The following ZNF804B variants were observed in gnomAD, a reference collection of about 807,000 sequenced individuals.
ZNF804B encodes zinc finger 804B.
ZNF804B carries 80 observed loss-of-function variants against 101.4 expected under a neutral mutation model. That is an observed-to-expected ratio of 0.79 (90% CI 0.66 to 0.95). The LOEUF (loss-of-function observed/expected upper bound fraction) is 0.95, where lower values mean the gene tolerates loss of function less well. Ranked by LOEUF, ZNF804B falls within the 40% of genes least tolerant of loss-of-function variation. The probability of loss-of-function intolerance (pLI) is 0.00; values close to 1 mark genes in which losing one functional copy is unlikely to be tolerated. For missense variants in ZNF804B, 1,673 were observed against 1,561.9 expected, an observed-to-expected ratio of 1.07 and a Z score of -1.20; for synonymous variants, 622 against 558.8, an observed-to-expected ratio of 1.11 and a Z score of -1.59.
intron 1 of ZNF804B, among the ~76,000 whole-genome samples, chr7:88,848,534 G>C (rs969358594): frequency 1.3e-5 from 2 of 151,730 alleles, no homozygotes; most frequent in Non-Finnish European, 2.9e-5. Flanking sequence ...AAACCTTTTT[G>C]CAGATGTAAA....
rs35905388 is a variant in ZNF804B at position 89,324,607 on chromosome 7, CTT to C, written c.250-2720_250-2719del. ...TTGTCCAGTCTACCTTACCTTCTTA[CTT>C]TTTTTTTTTTTTTTTTGCATTTTCT... On this transcript the variant is annotated intron_variant, in intron 2 of 3. Transcript: ENST00000333190. Among the ~76,000 whole-genome samples the C allele has an allele frequency of 1.9e-3, 204 of 109,550 alleles. 1 individual carries two copies. The highest frequency in any genetic ancestry group is 5.4e-3 in the Middle Eastern group (1 of 186). The allele number at this position is 109,550 out of a possible 152,430, so 71.9% of individuals were successfully genotyped here. A position where few individuals can be genotyped will look rare whatever the true frequency, so the allele number is the denominator to read the frequency against.
intron 1 of ZNF804B, among the ~76,000 whole-genome samples, chr7:88,906,324 C>G (rs935244427): frequency 2.0e-5 from 3 of 151,948 alleles, no homozygotes; most frequent in African/African-American, 4.8e-5. Context: ...TCTTCTAGTT[C>G]CTTTAGGTGC....
At chr7:88,783,842 C>A (rs1281934434) in intron 1 of ZNF804B, among the ~76,000 whole-genome samples, 1 of 152,018 alleles carries the variant, frequency 6.6e-6, no homozygotes, top group Non-Finnish European at 1.5e-5. Flanking sequence ...ATTTCCAAGG[C>A]CCCTTGGGTC....
At chr7:89,136,960 T>A (rs1030023974) in intron 1 of ZNF804B, among the ~76,000 whole-genome samples, 1 of 151,754 alleles carries the variant, frequency 6.6e-6, no homozygotes, top group Admixed American at 6.6e-5. Context: ...AAAGCTCTCT[T>A]TTTTTTTGCC....
intron 1 of ZNF804B, among the ~76,000 whole-genome samples, chr7:89,197,099 AG>A (rs1788565997): frequency 6.6e-6 from 1 of 152,072 alleles, no homozygotes; most frequent in South Asian, 2.1e-4. Context: ...TATTTGACCC[AG>A]CAATCTTAAT....
At chr7:88,961,996 G>A (rs1584040988) in intron 1 of ZNF804B, among the ~76,000 whole-genome samples, 1 of 151,164 alleles carries the variant, frequency 6.6e-6, no homozygotes, top group East Asian at 2.0e-4. Flanking sequence ...AATACACAAG[G>A]TTTTAGTGTA....
chr7:88,946,041 A>G (rs990468943), intron 1 of ZNF804B, among the ~76,000 whole-genome samples: 1 of 152,044 alleles, frequency 6.6e-6, no homozygotes, highest in Non-Finnish European at 1.5e-5. Flanking sequence ...GCAAACAGAG[A>G]CTATTTGACT....
chr7:89,108,234 T>TC (rs940334850), intron 1 of ZNF804B, among the ~76,000 whole-genome samples: 4 of 99,388 alleles, frequency 4.0e-5, no homozygotes, highest in Non-Finnish European at 9.0e-5. Flanking sequence ...TTTTTTTTTT[T>TC]TCTTTTCTTC....
intron 1 of ZNF804B, among the ~76,000 whole-genome samples, chr7:89,107,913 C>T (rs978908157): frequency 3.3e-5 from 5 of 151,984 alleles, no homozygotes; most frequent in African/African-American, 4.8e-5. Flanking sequence ...GGGTCCTTCC[C>T]GGAAGGTCGC....
chr7:89,338,393 C>A lies in ZNF804B; in HGVS notation c.*1361C>A, dbSNP rs1424660287. Among the ~76,000 whole-genome samples, 1 of 151,938 alleles carries A rather than the reference C, an allele frequency of 6.6e-6. No homozygotes were observed. Among genetic ancestry groups the A allele is most frequent in the Non-Finnish European group, 1.5e-5 (1 of 67,936 alleles). ...GCATTATCTTCTTTAATTTTCACAA[C>A]TGTATTTTGAAATCAGTATTATCAT... On this transcript the variant is annotated 3_prime_UTR_variant, in exon 4 of 4. Transcript: ENST00000333190.
At chr7:89,055,557 G>A (rs186021437) in intron 1 of ZNF804B, among the ~76,000 whole-genome samples, 1 of 152,104 alleles carries the variant, frequency 6.6e-6, no homozygotes, top group Non-Finnish European at 1.5e-5. Flanking sequence ...CAACAAGGTT[G>A]GATCTTACCA....
intron 1 of ZNF804B, among the ~76,000 whole-genome samples, chr7:88,951,775 C>T (rs184136189): frequency 2.0e-5 from 3 of 151,840 alleles, no homozygotes; most frequent in Admixed American, 6.6e-5. Context: ...CAAAACAAAA[C>T]CCATTAATAT....
chr7:89,124,673 G>T (rs756812128), intron 1 of ZNF804B, among the ~76,000 whole-genome samples: 1 of 152,168 alleles, frequency 6.6e-6, no homozygotes, highest in Non-Finnish European at 1.5e-5. Context: ...AAAAATAGGT[G>T]ATTATGATTT....
chr7:89,015,677 T>A (rs1423504761), intron 1 of ZNF804B, among the ~76,000 whole-genome samples: 1 of 152,178 alleles, frequency 6.6e-6, no homozygotes, highest in Non-Finnish European at 1.5e-5. Context: ...CATCATTTTT[T>A]ATGGCTGCAT....
intron 1 of ZNF804B, among the ~76,000 whole-genome samples, chr7:88,815,565 C>T (rs1790862630): frequency 6.6e-6 from 1 of 151,924 alleles, no homozygotes; most frequent in Non-Finnish European, 1.5e-5. Context: ...TTGTGGGCAC[C>T]TTTCCCCACT....
At chr7:88,783,169 A>G (rs1790254958) in intron 1 of ZNF804B, among the ~76,000 whole-genome samples, 1 of 152,166 alleles carries the variant, frequency 6.6e-6, no homozygotes, top group Non-Finnish European at 1.5e-5. Context: ...CTCACCCCAT[A>G]AGTCAACCCA....
At chr7:89,296,165 G>A (rs1211121965) in intron 2 of ZNF804B, among the ~76,000 whole-genome samples, 3 of 151,872 alleles carry the variant, frequency 2.0e-5, no homozygotes, top group African/African-American at 7.3e-5. Flanking sequence ...AAATACATAT[G>A]TACATACATA....
intron 1 of ZNF804B, among the ~76,000 whole-genome samples, chr7:88,860,703 C>T (rs1415850753): frequency 6.6e-6 from 1 of 152,038 alleles, no homozygotes; most frequent in Non-Finnish European, 1.5e-5. Flanking sequence ...AAAGAAGGAA[C>T]TTGATACATA....
At chr7:89,282,851 T>C (rs1422105421) in intron 2 of ZNF804B, among the ~76,000 whole-genome samples, 1 of 152,122 alleles carries the variant, frequency 6.6e-6, no homozygotes, top group Non-Finnish European at 1.5e-5. Flanking sequence ...ACCCAGAGTT[T>C]CCCCTAGACC....
Sources: allele counts gnomAD v4.1 joint callset (sites outside exome capture counted in the v4.1 genomes callset), GRCh38; gene constraint gnomAD v4.1.1; transcripts MANE v1.5; gene names NCBI Gene and HGNC (gene_info 2026-07-23, HGNC 2026-07-21).